FLACC1: variants seen among roughly 807,000 people sequenced by gnomAD.
The protein encoded by FLACC1 is flagellum associated containing coiled-coil domains 1, also known as flagellum-associated coiled-coil domain-containing protein 1.
FLACC1 carries 66 observed loss-of-function variants against 62.8 expected under a neutral mutation model. The observed-to-expected ratio is 1.05, with a 90% CI of 0.86 to 1.29. The LOEUF (loss-of-function observed/expected upper bound fraction) is 1.29. Among genes scored for constraint, FLACC1 ranks in the 50% most tolerant of loss-of-function variants. The pLI, the probability that FLACC1 is intolerant of heterozygous loss-of-function variation, is 0.00. For missense variants in FLACC1, 452 were observed against 489.1 expected (o/e 0.92, Z 0.71); for synonymous variants, 156 against 161.0 (o/e 0.97, Z 0.24).
At chr2:201,336,132 G>C (rs914572676) in intron 7 of FLACC1, among the ~76,000 whole-genome samples, 35 of 151,626 alleles carry the variant, frequency 2.3e-4, no homozygotes, top group Non-Finnish European at 5.0e-4. Context: ...TACCTGATAG[G>C]TTGTTCTTGA....
intron 12 of FLACC1, among the ~76,000 whole-genome samples, chr2:201,294,506 T>C (rs551137760): frequency 3.0e-4 from 45 of 152,330 alleles, no homozygotes; most frequent in Admixed American, 6.5e-4. Flanking sequence ...AAATTAGGTA[T>C]TGGTGGGACG....
chr2:201,297,410 G>A (rs1478923702), intron 12 of FLACC1, among the ~76,000 whole-genome samples: 1 of 150,526 alleles, frequency 6.6e-6, no homozygotes, highest in Non-Finnish European at 1.5e-5. Context: ...AAAGTAGGTG[G>A]GAGAACAGTG....
rs78835753 is a variant in FLACC1, at chr2:201,307,409, T to C, written c.879+110A>G. The C allele has an allele frequency of 5.6e-3, 4,388 of 790,274 alleles. 24 individuals carry two copies. The highest frequency in any genetic ancestry group is 7.8e-3 in the Non-Finnish European group (3,614 of 464,940). 49.0% of individuals were successfully genotyped at this position (790,274 alleles called of 1,614,324 possible). ...TTTCCAGAAAGCTGGGAGAGGAGGA[T>C]TATGCCCAGAAAGACAAAAAGATCA... On this transcript the variant is annotated intron_variant, in intron 11 of 14. Coordinates refer to ENST00000392257, the MANE Select transcript of FLACC1 (RefSeq NM_001127391.3).
rs186603869 is a variant in FLACC1, at chr2:201,292,800, A to G, written c.943-3015T>C. 7.9e-5 allele frequency among the ~76,000 whole-genome samples: 12 copies of G among 152,354 alleles called. No individual in the cohort carries two copies. The East Asian group carries it at 2.3e-3, about 29-fold the overall frequency. ...CCACCTTACATGCAGAGACACACAG[A>G]GGCTCAAAATAAAGGGATGGAGGAA... is the stretch of plus-strand genomic sequence containing the variant. On this transcript the variant is annotated intron_variant, in intron 12 of 14. Coordinates refer to ENST00000392257, the MANE Select transcript of FLACC1 (RefSeq NM_001127391.3).
rs1161849891 is a variant in FLACC1, at chr2:201,309,905, CA to C, written c.676-656del. Among the ~76,000 whole-genome samples, 106 of 44,676 alleles carry C rather than the reference CA, an allele frequency of 2.4e-3. 3 individuals carry two copies. Among genetic ancestry groups the C allele is most frequent in the Middle Eastern group, 0.01 (1 of 96 alleles). 29.3% of individuals were successfully genotyped at this position (44,676 alleles called of 152,430 possible). ...CTGGTGACAGAGTGAGACTCTGTCT[CA>C]AAAAAAAAAAAAAAAAAAAAAGAAG... On this transcript the variant is annotated intron_variant, in intron 9 of 14. Transcript: ENST00000392257.
intron 12 of FLACC1, among the ~76,000 whole-genome samples, chr2:201,295,575 C>A (rs995678531): frequency 6.6e-5 from 10 of 152,280 alleles, no homozygotes; most frequent in African/African-American, 2.2e-4. Context: ...AAAATCTAGG[C>A]AATACCATTC....
In FLACC1 at chr2:201,346,467, T is replaced by C. The variant is rs1950916135; in HGVS notation, c.368+75A>G. The C allele has an allele frequency of 6.3e-7, 1 of 1,589,606 alleles. No homozygotes were observed. The highest frequency in any genetic ancestry group is 1.3e-5 in the African/African-American group (1 of 74,762). On this transcript the variant is annotated intron_variant, in intron 5 of 14. Transcript: ENST00000392257. This position sits in a 1 kb window ranked among gnomAD's most constrained non-coding sequence, Gnocchi z 4.0. Reference sequence around the variant, plus strand: ...GGCCTGGGTGTGGGCATAGCGGCTTTGGCTTGTCCCTGAGGCCGGGCTGAG... The same window carrying C: ...GGCCTGGGTGTGGGCATAGCGGCTTCGGCTTGTCCCTGAGGCCGGGCTGAG...
At chr2:201,353,081 T>C (rs892672884) in intron 1 of FLACC1, among the ~76,000 whole-genome samples, 2 of 152,214 alleles carry the variant, frequency 1.3e-5, no homozygotes, top group African/African-American at 4.8e-5. Flanking sequence ...ACTACATTTG[T>C]GGTAACTTTG....
chr2:201,362,216 C>T (rs1362769308), upstream of FLACC1, among the ~76,000 whole-genome samples: 4 of 152,096 alleles, frequency 2.6e-5, no homozygotes, highest in Admixed American at 2.6e-4. Context: ...TGAAAGAAAA[C>T]ACAATTAAAG....
rs1949677706 is a variant in FLACC1 at position 201,289,484 on chromosome 2, A to T, written c.1115T>A (p.Ile372Asn). ...CAGATGAATGTTCTCTTCCGTCAGGATCTGTATGGTGTGCTTATACTTTTC... is the reference window on the plus strand; with the variant it reads ...CAGATGAATGTTCTCTTCCGTCAGGTTCTGTATGGTGTGCTTATACTTTTC... ...TEEKYKHTIQ[I>N]LTEENIHLKQ... The change falls in exon 14 of 15, where the codon ATC (isoleucine) becomes AAC (asparagine). Residue 372 changes from isoleucine (I) to asparagine (N), a missense_variant. Ile to Asn is a moderately radical substitution (Grantham distance 149). Coordinates refer to ENST00000392257, the MANE Select transcript of FLACC1 (RefSeq NM_001127391.3). 2.5e-6 allele frequency: 4 copies of T among 1,614,006 alleles called. No homozygotes were observed. The highest frequency in any genetic ancestry group is 8.5e-7 in the Non-Finnish European group (1 of 1,180,016).
intron 1 of FLACC1, among the ~76,000 whole-genome samples, chr2:201,352,634 G>A (rs184369136): frequency 6.6e-6 from 1 of 152,282 alleles, no homozygotes; most frequent in East Asian, 1.9e-4. Context: ...ACACATCAGA[G>A]GTCCCAGAGG....
the FLACC1 span, among the ~76,000 whole-genome samples, chr2:201,363,667 T>C: frequency 1.2e-3 from 190 of 152,164 alleles, 1 homozygote; most frequent in African/African-American, 4.4e-3. Flanking sequence ...CTCAGGCAGA[T>C]CTCTAGGCAT....
At chr2:201,289,949 T>C in intron 12 of FLACC1, 164 bp from the exon 13 acceptor site, 2 of 1,227,430 alleles carry the variant, frequency 1.6e-6, no homozygotes, top group Non-Finnish European at 2.3e-6. Flanking sequence ...GTCTCACCCA[T>C]CTATATCCTT....
At chr2:201,331,347 G>A (rs1191366960) in intron 7 of FLACC1, among the ~76,000 whole-genome samples, 1 of 152,118 alleles carries the variant, frequency 6.6e-6, no homozygotes, top group African/African-American at 2.4e-5. Flanking sequence ...TACCATCATT[G>A]TTTTGAATGG....
chr2:201,334,748 A>C (rs1302510699), intron 7 of FLACC1, among the ~76,000 whole-genome samples: 1 of 150,138 alleles, frequency 6.7e-6, no homozygotes, highest in Non-Finnish European at 1.5e-5. Flanking sequence ...GCACCATTGC[A>C]CTCCAGCCTG....
chr2:201,291,446 C>A lies in FLACC1; in HGVS notation c.943-1661G>T, dbSNP rs549820861. ...AGAGTGGACCTCCAGCAAACTCCAA[C>A]AGACCTGCAGCTGAGGGTCCTGACT... On this transcript the variant is annotated intron_variant, in intron 12 of 14. Coordinates refer to ENST00000392257, the MANE Select transcript of FLACC1 (RefSeq NM_001127391.3). 2.2e-4 allele frequency among the ~76,000 whole-genome samples: 34 copies of A among 152,366 alleles called. No homozygotes were observed. In the South Asian group the frequency reaches 7.0e-3, roughly 32 times the overall value.
intron 12 of FLACC1, among the ~76,000 whole-genome samples, chr2:201,296,627 C>T (rs558439952): frequency 3.9e-5 from 6 of 152,152 alleles, no homozygotes; most frequent in Non-Finnish European, 8.8e-5. Flanking sequence ...CAAACCTGTA[C>T]ATTATGCACA....
intron 9 of FLACC1, among the ~76,000 whole-genome samples, chr2:201,320,555 C>T (rs1950384824): frequency 6.6e-6 from 1 of 152,226 alleles, no homozygotes; most frequent in Non-Finnish European, 1.5e-5. Flanking sequence ...CTCACAGCCA[C>T]CTGCTTCTCC....
chr2:201,351,516 T>C (rs999882087), intron 1 of FLACC1, 65 bp from the exon 2 acceptor site: 2 of 792,818 alleles, frequency 2.5e-6, no homozygotes, highest in African/African-American at 1.7e-5. Flanking sequence ...TACAGAAGAA[T>C]TGGGAAGAAC....
Sources: allele counts gnomAD v4.1 joint callset (sites outside exome capture counted in the v4.1 genomes callset), GRCh38; gene constraint gnomAD v4.1.1; non-coding constraint Gnocchi (gnomAD v3.1); transcripts MANE v1.5; gene names NCBI Gene and HGNC (gene_info 2026-07-23, HGNC 2026-07-21).